MCPH1: variants seen among roughly 807,000 people sequenced by gnomAD.
MCPH1 encodes the protein microcephalin 1.
MCPH1 carries 104 observed loss-of-function variants against 84.5 expected under a neutral mutation model. That is an observed-to-expected ratio of 1.23 (90% CI 1.05 to 1.45). The LOEUF (loss-of-function observed/expected upper bound fraction) is 1.45, where lower values mean the gene tolerates loss of function less well. Ranked by LOEUF, MCPH1 falls within the 40% of genes most tolerant of loss-of-function variation. MCPH1 has a pLI of 0.00. For synonymous variants in MCPH1, 514 were observed against 366.8 expected (o/e 1.40, Z -4.58); for missense variants, 1,498 against 1,005.7 (o/e 1.49, Z -6.62).
At chr8:6,575,385 C>T (rs1035778919) in intron 12 of MCPH1, among the ~76,000 whole-genome samples, 10 of 152,148 alleles carry the variant, frequency 6.6e-5, no homozygotes, top group African/African-American at 2.4e-4. Flanking sequence ...TTCACAGGTG[C>T]AGGTTCTGCA....
chr8:6,617,900 A>AATCTACCTATCT (rs1554480978), intron 12 of MCPH1, among the ~76,000 whole-genome samples: 3 of 143,014 alleles, frequency 2.1e-5, no homozygotes, highest in Non-Finnish European at 4.5e-5. Flanking sequence ...CTATCTATCT[A>AATCTACCTATCT]ATCTATCTAT....
intron 12 of MCPH1, among the ~76,000 whole-genome samples, chr8:6,603,237 T>C (rs1829508350): frequency 6.6e-6 from 1 of 152,146 alleles, no homozygotes; most frequent in Non-Finnish European, 1.5e-5. Context: ...ATAGTCCCAT[T>C]AACATGAATA....
intron 9 of MCPH1, among the ~76,000 whole-genome samples, chr8:6,470,326 C>G (rs1188880920): frequency 1.3e-5 from 2 of 152,032 alleles, no homozygotes; most frequent in Non-Finnish European, 2.9e-5. Context: ...CTCTGTCACC[C>G]AGGCTGGAGT....
intron 12 of MCPH1, chr8:6,502,587 C>T (rs913925252): frequency 1.3e-5 from 2 of 152,320 alleles, no homozygotes; most frequent in African/African-American, 2.4e-5. Context: ...TCTAGTAACC[C>T]CTTCTCAGAA....
intron 12 of MCPH1, among the ~76,000 whole-genome samples, chr8:6,505,439 CTT>C (rs1438322477): frequency 2.0e-4 from 14 of 70,678 alleles, no homozygotes; most frequent in Admixed American, 4.6e-4. Flanking sequence ...TATATATATT[CTT>C]TATATACATA....
chr8:6,620,580 A>C (rs1337548314), intron 12 of MCPH1, among the ~76,000 whole-genome samples: 1 of 152,126 alleles, frequency 6.6e-6, no homozygotes, highest in Non-Finnish European at 1.5e-5. Context: ...ACATCCCCTC[A>C]AATCTCTAAT....
chr8:6,630,094 G>A (rs530535861), intron 13 of MCPH1, among the ~76,000 whole-genome samples: 1 of 152,118 alleles, frequency 6.6e-6, no homozygotes, highest in Admixed American at 6.5e-5. Flanking sequence ...CAAATGGATG[G>A]CAGTAAAGTA....
At chr8:6,594,702 GGGGACTGCAGGGGACTGCA>G (rs1828788171) in intron 12 of MCPH1, among the ~76,000 whole-genome samples, 3 of 152,054 alleles carry the variant, frequency 2.0e-5, no homozygotes, top group Non-Finnish European at 2.9e-5. Context: ...GGGGACTGCA[GGGGACTGCAGGGGACTGCA>G]GGGGAAGGGA....
intron 12 of MCPH1, among the ~76,000 whole-genome samples, chr8:6,611,090 CTACACACACACA>C (rs1037077143): frequency 4.7e-5 from 7 of 150,514 alleles, no homozygotes; most frequent in African/African-American, 1.2e-4. Flanking sequence ...TCTACTGTTG[CTACACACACACA>C]TACACACACA....
At chr8:6,522,639 G>C (rs532893805) in intron 12 of MCPH1, among the ~76,000 whole-genome samples, 1 of 151,078 alleles carries the variant, frequency 6.6e-6, no homozygotes, top group Non-Finnish European at 1.5e-5. Flanking sequence ...CCAAGCGTGG[G>C]GGTACATGAA....
At position 6,419,666 on chromosome 8, in the gene MCPH1, TG is replaced by T. The variant is rs200918861; in HGVS notation, c.233+4784del. Among the ~76,000 whole-genome samples the T allele has an allele frequency of 1.2e-3, 177 of 151,980 alleles. 3 individuals carry two copies. The East Asian group carries it at 0.029, about 25-fold the overall frequency. ...ATCCACCTGCCTTGGCCTCCCAAAG[TG>T]CAACCCGGCATTAAAGAATTTTTTT... On this transcript the variant is annotated intron_variant, in intron 3 of 13. Transcript: ENST00000344683.
chr8:6,415,216 T>C (rs1799097358), intron 3 of MCPH1, among the ~76,000 whole-genome samples: 1 of 151,902 alleles, frequency 6.6e-6, no homozygotes. Context: ...AATGGGTCGC[T>C]TGAGCAACAG....
At chr8:6,481,736 G>T (rs574141263) in intron 11 of MCPH1, among the ~76,000 whole-genome samples, 1 of 152,310 alleles carries the variant, frequency 6.6e-6, no homozygotes, top group East Asian at 1.9e-4. Context: ...AGTGGAAAAC[G>T]TTGAAATTCC....
rs77362497 is a variant in MCPH1, at chr8:6,642,950, G to A, written c.2453-44G>A. On this transcript the variant is annotated intron_variant, in intron 13 of 13. Coordinates refer to ENST00000344683, the MANE Select transcript of MCPH1 (RefSeq NM_024596.5). Reference sequence around the variant, plus strand: ...AAACAGGTTATCACTTTCCTATGTGGCTGGCTATTATGAATGCTAAACTGC... The same window carrying A: ...AAACAGGTTATCACTTTCCTATGTGACTGGCTATTATGAATGCTAAACTGC... 456 of 1,565,738 alleles carry A rather than the reference G, an allele frequency of 2.9e-4. 1 individual carries two copies. The African/African-American group carries it at 4.8e-3, about 16-fold the overall frequency.
At chr8:6,491,774 G>T (rs954865427) in intron 11 of MCPH1, among the ~76,000 whole-genome samples, 3 of 151,958 alleles carry the variant, frequency 2.0e-5, no homozygotes, top group African/African-American at 7.3e-5. Flanking sequence ...ATGGTTTCCA[G>T]CTTCATCCAT....
At chr8:6,456,156 C>T (rs746696033) in intron 9 of MCPH1, among the ~76,000 whole-genome samples, 4 of 151,772 alleles carry the variant, frequency 2.6e-5, no homozygotes, top group Non-Finnish European at 4.4e-5. Context: ...TGGTTTGTCT[C>T]GGAAAAAAAA....
intron 12 of MCPH1, among the ~76,000 whole-genome samples, chr8:6,561,031 A>AC (rs1490296644): frequency 6.6e-6 from 1 of 152,212 alleles, no homozygotes; most frequent in African/African-American, 2.4e-5. Flanking sequence ...GAAAGCCATT[A>AC]ACCATCAGCT....
chr8:6,590,205 CAAAAA>C lies in MCPH1; in HGVS notation c.2215-31240_2215-31236del, dbSNP rs144736410. 2.5e-3 allele frequency among the ~76,000 whole-genome samples: 178 copies of C among 71,546 alleles called. 1 individual carries two copies. In the East Asian group the frequency reaches 0.042, roughly 17 times the overall value. 46.9% of individuals were successfully genotyped at this position (71,546 alleles called of 152,430 possible). A position where few individuals can be genotyped will look rare whatever the true frequency, so the allele number is the denominator to read the frequency against. ...GAGTGTTATAATGTTAAGTGAACAA[CAAAAA>C]AAAAAAAATACAGATCCAACTATGT... On this transcript the variant is annotated intron_variant, in intron 12 of 13. Transcript: ENST00000344683.
intron 9 of MCPH1, among the ~76,000 whole-genome samples, chr8:6,466,439 C>G (rs1417854719): frequency 6.6e-6 from 1 of 152,046 alleles, no homozygotes; most frequent in African/African-American, 2.4e-5. Context: ...TCCTGGGTAG[C>G]TGGGAGTACA....
Sources: gnomAD v4.1 joint callset for allele counts (sites outside exome capture counted in the v4.1 genomes callset) on GRCh38, gnomAD v4.1.1 for gene constraint, MANE v1.5 for transcripts, NCBI Gene and HGNC (gene_info 2026-07-23, HGNC 2026-07-21) for gene names.